The following GASK1A variants were observed in gnomAD, a reference collection of about 807,000 sequenced individuals.
GASK1A encodes golgi associated kinase 1A.
A neutral mutation model predicts 41.2 loss-of-function variants in GASK1A; 40 were observed. The ratio of observed to expected loss-of-function variants is 0.97; its 90% CI spans 0.75 to 1.27. The LOEUF (loss-of-function observed/expected upper bound fraction) is 1.27, where lower values mean the gene tolerates loss of function less well. Among genes scored for constraint, GASK1A ranks in the 50% most tolerant of loss-of-function variants. The pLI, the probability that GASK1A is intolerant of heterozygous loss-of-function variation, is 0.00. For missense variants in GASK1A, 678 were observed against 745.1 expected (o/e 0.91, Z 1.05); for synonymous variants, 316 against 307.1 (o/e 1.03, Z -0.30).
intron 1 of GASK1A, among the ~76,000 whole-genome samples, chr3:43,028,670 C>G (rs2089558904): frequency 6.6e-6 from 1 of 152,166 alleles, no homozygotes; most frequent in Admixed American, 6.5e-5. Context: ...ATTGTTCTGT[C>G]CCATCTCTGG....
At chr3:43,041,770 G>C (rs143572589) in intron 2 of GASK1A, among the ~76,000 whole-genome samples, 1 of 152,144 alleles carries the variant, frequency 6.6e-6, no homozygotes, top group African/African-American at 2.4e-5. Context: ...ACATTTGCTG[G>C]TGTCACAGAG....
chr3:43,054,711 C>G (rs2089707850), intron 3 of GASK1A, among the ~76,000 whole-genome samples: 1 of 152,160 alleles, frequency 6.6e-6, no homozygotes, highest in Non-Finnish European at 1.5e-5. Flanking sequence ...AGATGGCCTC[C>G]CATTCGCAAC....
At chr3:43,007,963 C>T (rs1268401321) in intron 1 of GASK1A, among the ~76,000 whole-genome samples, 1 of 152,180 alleles carries the variant, frequency 6.6e-6, no homozygotes, top group Non-Finnish European at 1.5e-5. Context: ...AAGAGGATGG[C>T]TTCCAGCTCT....
At position 43,035,911 on chromosome 3, in the gene GASK1A, C is replaced by T. The variant is rs1473487903; in HGVS notation, c.1290+2358C>T. 3.9e-5 allele frequency among the ~76,000 whole-genome samples: 6 copies of T among 152,204 alleles called. No individual in the cohort carries two copies. In the East Asian group the frequency reaches 7.7e-4, roughly 20 times the overall value. On this transcript the variant is annotated intron_variant, in intron 2 of 4. Coordinates refer to ENST00000430121, the MANE Select transcript of GASK1A (RefSeq NM_001129908.3). ...GGCAGCTTGTGGGCTGAGAAGCAGC[C>T]TGGATGGTCTGACTCTAGAGCTCAC...
Position 42,979,641 on chromosome 3 carries a change from A to T in GASK1A, c.-2A>T. 2 of 1,244,730 alleles carry T rather than the reference A, an allele frequency of 1.6e-6. No individual in the cohort carries two copies. The highest frequency in any genetic ancestry group is 2.0e-6 in the Non-Finnish European group (2 of 987,618). The allele number at this position is 1,244,730 out of a possible 1,614,324, so 77.1% of individuals were successfully genotyped here. ...GGAGCCGGCCGGGGCACCGCCGGGG[A>T]CATGGTAGGACTCGCGGGAAGGAAC... is the stretch of plus-strand genomic sequence containing the variant. On this transcript the variant is annotated 5_prime_UTR_variant, in exon 1 of 5. Transcript: ENST00000430121.
At position 43,010,153 on chromosome 3, in the gene GASK1A, C is replaced by A. The variant is rs557925572; in HGVS notation, c.4-22114C>A. Among the ~76,000 whole-genome samples the A allele has an allele frequency of 5.9e-5, 9 of 152,294 alleles. No homozygotes were observed. The East Asian group carries it at 1.7e-3, about 29-fold the overall frequency. On this transcript the variant is annotated intron_variant, in intron 1 of 4. Transcript: ENST00000430121. ...CGTGCCTAACATCATATGCCTTTCC[C>A]AGTATCCTTCACTCCCTGTTGTCTA...
chr3:43,027,458 A>G (rs866697893), intron 1 of GASK1A, among the ~76,000 whole-genome samples: 5 of 152,234 alleles, frequency 3.3e-5, no homozygotes, highest in Non-Finnish European at 2.9e-5. Flanking sequence ...ACTAAAGAAT[A>G]TCATTTAAAG....
intron 2 of GASK1A, among the ~76,000 whole-genome samples, chr3:43,036,790 C>T (rs1159954259): frequency 5.3e-5 from 8 of 152,118 alleles, no homozygotes; most frequent in African/African-American, 1.9e-4. Flanking sequence ...CTCAGCCCTC[C>T]GACTGCAAGC....
At chr3:42,980,949 C>T (rs771113645) in intron 1 of GASK1A, among the ~76,000 whole-genome samples, 1 of 152,200 alleles carries the variant, frequency 6.6e-6, no homozygotes, top group Non-Finnish European at 1.5e-5. Flanking sequence ...CTCCGAGGGG[C>T]ATTAGCATGC....
At chr3:43,004,046 T>C (rs1312032173) in intron 1 of GASK1A, among the ~76,000 whole-genome samples, 1 of 152,216 alleles carries the variant, frequency 6.6e-6, no homozygotes, top group African/African-American at 2.4e-5. Context: ...AACATTTACC[T>C]GCTCTCTGAG....
At chr3:43,032,217 G>A (rs2089578946) in intron 1 of GASK1A, 50 bp from the exon 2 acceptor site, 1 of 1,396,406 alleles carries the variant, frequency 7.2e-7, no homozygotes, top group Admixed American at 2.3e-5. Context: ...TGTGGGTTGA[G>A]CTGATGTATT....
chr3:42,983,935 A>T (rs1476142096), intron 1 of GASK1A, among the ~76,000 whole-genome samples: 2 of 152,210 alleles, frequency 1.3e-5, no homozygotes, highest in Non-Finnish European at 2.9e-5. Context: ...TAGTTGTTTC[A>T]GGGACTAGTG....
chr3:43,031,746 A>G (rs1383899120), intron 1 of GASK1A, among the ~76,000 whole-genome samples: 1 of 152,214 alleles, frequency 6.6e-6, no homozygotes, highest in Non-Finnish European at 1.5e-5. Context: ...CTCTCATGAC[A>G]TAGTCAGGGA....
At chr3:42,981,643 A>T (rs926868132) in intron 1 of GASK1A, among the ~76,000 whole-genome samples, 8 of 152,218 alleles carry the variant, frequency 5.3e-5, no homozygotes, top group African/African-American at 1.7e-4. Flanking sequence ...CAGGCTCTGC[A>T]AGTGAGCCCA....
At chr3:43,014,132 A>C (rs929210120) in intron 1 of GASK1A, among the ~76,000 whole-genome samples, 1 of 151,918 alleles carries the variant, frequency 6.6e-6, no homozygotes, top group African/African-American at 2.4e-5. Flanking sequence ...GTGAAGCCAC[A>C]GGAAGGGGGA....
At chr3:42,989,318 C>G (rs2089328989) in intron 1 of GASK1A, among the ~76,000 whole-genome samples, 1 of 152,144 alleles carries the variant, frequency 6.6e-6, no homozygotes, top group Admixed American at 6.5e-5. Flanking sequence ...GTCTCCAGGT[C>G]TGTGCAATCT....
At chr3:43,051,976 C>A (rs1190680238) in intron 2 of GASK1A, among the ~76,000 whole-genome samples, 3 of 152,134 alleles carry the variant, frequency 2.0e-5, no homozygotes, top group African/African-American at 7.2e-5. Flanking sequence ...TTCCCCACAC[C>A]AGGCTCTTTT....
chr3:42,992,597 T>C (rs952283302), intron 1 of GASK1A, among the ~76,000 whole-genome samples: 2 of 152,110 alleles, frequency 1.3e-5, no homozygotes, highest in Non-Finnish European at 2.9e-5. Flanking sequence ...CTGGCTCCCC[T>C]CAGAAGGAGT....
intron 1 of GASK1A, among the ~76,000 whole-genome samples, chr3:43,006,165 C>T (rs1472614774): frequency 6.6e-6 from 1 of 152,144 alleles, no homozygotes; most frequent in African/African-American, 2.4e-5. Context: ...TTGGAAACCC[C>T]CTGCCCAGAG....
Sources: allele counts gnomAD v4.1 joint callset (sites outside exome capture counted in the v4.1 genomes callset), GRCh38; gene constraint gnomAD v4.1.1; transcripts MANE v1.5; gene names NCBI Gene and HGNC (gene_info 2026-07-23, HGNC 2026-07-21).